Variants in TMEM135 observed in about 807,000 individuals in gnomAD.
The protein encoded by TMEM135 is peroxisomal membrane protein 52.
In TMEM135, 30 loss-of-function variants were observed where a neutral mutation model predicts 60.3. The observed-to-expected ratio is 0.50, with a 90% CI of 0.37 to 0.68. The LOEUF (loss-of-function observed/expected upper bound fraction) is 0.68. Ranked by LOEUF, TMEM135 falls within the 30% of genes least tolerant of loss-of-function variation. The pLI, the probability that TMEM135 is intolerant of heterozygous loss-of-function variation, is 0.00. For missense variants in TMEM135, 468 were observed against 548.8 expected (o/e 0.85, Z 1.47); for synonymous variants, 190 against 186.7 (o/e 1.02, Z -0.14).
chr11:87,318,652 T>A (rs1249467784), intron 13 of TMEM135, among the ~76,000 whole-genome samples: 2 of 152,130 alleles, frequency 1.3e-5, no homozygotes, highest in Non-Finnish European at 2.9e-5. Flanking sequence ...ACTAGTTTCA[T>A]ATAAGCATTG....
At chr11:87,194,483 T>G (rs1939886740) in intron 5 of TMEM135, among the ~76,000 whole-genome samples, 1 of 152,210 alleles carries the variant, frequency 6.6e-6, no homozygotes, top group Non-Finnish European at 1.5e-5. Flanking sequence ...ACAGTATAGT[T>G]TATTCTACAT....
At chr11:87,144,349 A>G (rs541089) in intron 4 of TMEM135, among the ~76,000 whole-genome samples, 55,889 of 152,010 alleles carry the variant, frequency 0.37, 10,810 homozygotes, top group East Asian at 0.67. Flanking sequence ...GTTTTTGGCT[A>G]TGCATGCCAT....
intron 6 of TMEM135, among the ~76,000 whole-genome samples, chr11:87,274,394 C>T (rs551582622): frequency 6.6e-6 from 1 of 152,272 alleles, no homozygotes; most frequent in South Asian, 2.1e-4. Flanking sequence ...CAAATGTTTT[C>T]TCTCTGTCTA....
intron 5 of TMEM135, among the ~76,000 whole-genome samples, chr11:87,185,360 A>G (rs367685244): frequency 1.3e-5 from 2 of 152,014 alleles, no homozygotes; most frequent in South Asian, 2.1e-4. Context: ...CCCTCTCTCT[A>G]TGGTTTCCTA....
chr11:87,116,568 G>A lies in TMEM135; in HGVS notation c.396+25173G>A, dbSNP rs1307933530. Reference sequence around the variant, plus strand: ...TAAATTAGCTGTCTTAATAGGATTGGTATAAATTGATTAATATCTATTAAG... The same window carrying A: ...TAAATTAGCTGTCTTAATAGGATTGATATAAATTGATTAATATCTATTAAG... On this transcript the variant is annotated intron_variant, in intron 4 of 14. Coordinates refer to ENST00000305494, the MANE Select transcript of TMEM135 (RefSeq NM_022918.4). 5.2e-5 allele frequency among the ~76,000 whole-genome samples: 6 copies of A among 116,324 alleles called. No individual in the cohort carries two copies. The Admixed American group carries it at 6.0e-4, about 12-fold the overall frequency. The allele number at this position is 116,324 out of a possible 152,430, so 76.3% of individuals were successfully genotyped here.
At chr11:87,079,843 C>CTTTTTTTTTTTTTTTTTTTTTTTTT (rs139184730) in intron 3 of TMEM135, among the ~76,000 whole-genome samples, 1 of 107,938 alleles carries the variant, frequency 9.3e-6, no homozygotes, top group Non-Finnish European at 1.8e-5. Flanking sequence ...CTTTTCTTTT[C>CTTTTTTTTTTTTTTTTTTTTTTTTT]TTTTTTTTTT....
chr11:87,168,679 A>G (rs995696143), intron 5 of TMEM135, among the ~76,000 whole-genome samples: 7 of 152,136 alleles, frequency 4.6e-5, no homozygotes, highest in African/African-American at 1.7e-4. Flanking sequence ...ACTGTTTGTT[A>G]TGATTTCCAT....
rs77529094 is a variant in TMEM135 at position 87,091,705 on chromosome 11, T to C, written c.396+310T>C. ...ATATATCTGTCTCTTTATATCTCTTTATATATCTAATTTCATATTCTGCCT... is the reference window on the plus strand; with the variant it reads ...ATATATCTGTCTCTTTATATCTCTTCATATATCTAATTTCATATTCTGCCT... On this transcript the variant is annotated intron_variant, in intron 4 of 14. Transcript: ENST00000305494. Among the ~76,000 whole-genome samples, 1,116 of 152,200 alleles carry C rather than the reference T, an allele frequency of 7.3e-3. 14 individuals carry two copies. Among genetic ancestry groups the C allele is most frequent in the African/African-American group, 0.025 (1,019 of 41,562 alleles).
chr11:87,066,091 G>A (rs536199379), intron 1 of TMEM135, among the ~76,000 whole-genome samples: 48 of 152,250 alleles, frequency 3.2e-4, no homozygotes, highest in Non-Finnish European at 4.9e-4. Flanking sequence ...TTGAGAAGAT[G>A]CCATTAGATT....
intron 5 of TMEM135, among the ~76,000 whole-genome samples, chr11:87,210,049 T>C (rs1393364627): frequency 6.6e-6 from 1 of 152,152 alleles, no homozygotes; most frequent in African/African-American, 2.4e-5. Context: ...TTTACAGTGC[T>C]AAACACTTAC....
chr11:87,302,593 G>A, intron 8 of TMEM135, 151 bp downstream of exon 8: 1 of 945,850 alleles, frequency 1.1e-6, no homozygotes. Flanking sequence ...GGCACACAAT[G>A]GCAAGTGAAT....
intron 5 of TMEM135, among the ~76,000 whole-genome samples, chr11:87,188,765 T>C (rs1004408036): frequency 6.6e-6 from 1 of 151,904 alleles, no homozygotes; most frequent in African/African-American, 2.4e-5. Context: ...TTTCAAAATA[T>C]GTAAAAATGT....
intron 4 of TMEM135, among the ~76,000 whole-genome samples, chr11:87,138,556 CA>C (rs201618699): frequency 0.021 from 3,187 of 152,314 alleles, 37 homozygotes; most frequent in South Asian, 0.033. Flanking sequence ...ATGACTTACT[CA>C]TTAGCTCTTA....
At chr11:87,138,665 A>C (rs1362269079) in intron 4 of TMEM135, among the ~76,000 whole-genome samples, 1 of 152,206 alleles carries the variant, frequency 6.6e-6, no homozygotes, top group Middle Eastern at 3.2e-3. Flanking sequence ...AGAATTGTAA[A>C]TGAATAATTA....
At chr11:87,180,890 C>T (rs1939497228) in intron 5 of TMEM135, among the ~76,000 whole-genome samples, 1 of 152,182 alleles carries the variant, frequency 6.6e-6, no homozygotes, top group Non-Finnish European at 1.5e-5. Flanking sequence ...AGTCTCCCTC[C>T]CCTTTCTGGG....
intron 4 of TMEM135, among the ~76,000 whole-genome samples, chr11:87,111,897 A>G (rs1449049823): frequency 6.6e-6 from 1 of 152,120 alleles, no homozygotes; most frequent in African/African-American, 2.4e-5. Context: ...CTCTAAACTC[A>G]GAGTAATAAT....
At chr11:87,152,251 T>C (rs2135260741) in intron 4 of TMEM135, among the ~76,000 whole-genome samples, 1 of 152,326 alleles carries the variant, frequency 6.6e-6, no homozygotes, top group East Asian at 1.9e-4. Context: ...CTTATTGTGT[T>C]CTTTTTTTCT....
At chr11:87,150,202 C>T (rs1397863590) in intron 4 of TMEM135, among the ~76,000 whole-genome samples, 19 of 118,570 alleles carry the variant, frequency 1.6e-4, no homozygotes, top group Non-Finnish European at 1.8e-4. Context: ...GCAACAAGAG[C>T]GAAACTCTGT....
rs560889072 is a variant in TMEM135 at position 87,099,989 on chromosome 11, A to C, written c.396+8594A>C. 3.3e-5 allele frequency among the ~76,000 whole-genome samples: 5 copies of C among 152,128 alleles called. No homozygotes were observed. The East Asian group carries it at 9.7e-4, about 29-fold the overall frequency. On this transcript the variant is annotated intron_variant, in intron 4 of 14. Transcript: ENST00000305494. Reference sequence around the variant, plus strand: ...AGCCACCAAGTTTAGTTTTTAAAGAAACTGTCAAATGTGTTCCTGAGTGGT... The same window carrying C: ...AGCCACCAAGTTTAGTTTTTAAAGACACTGTCAAATGTGTTCCTGAGTGGT...
Sources: allele counts gnomAD v4.1 joint callset (sites outside exome capture counted in the v4.1 genomes callset), GRCh38; gene constraint gnomAD v4.1.1; transcripts MANE v1.5; gene names NCBI Gene and HGNC (gene_info 2026-07-23, HGNC 2026-07-21).